The following AKAP9 variants were observed in gnomAD, a reference collection of about 807,000 sequenced individuals.
AKAP9 encodes the protein A-kinase anchor protein 9.
Under a neutral mutation model 488.5 loss-of-function variants are expected in AKAP9, and 311 were observed. The ratio of observed to expected loss-of-function variants is 0.64; its 90% CI spans 0.58 to 0.70. The LOEUF is 0.70. AKAP9 is among the 30% of genes least tolerant of loss of function. AKAP9 has a pLI of 0.00. For synonymous variants in AKAP9, 1,462 were observed against 1,483.5 expected (o/e 0.99, Z 0.33); for missense variants, 4,215 against 4,374.5 (o/e 0.96, Z 1.03).
chr7:91,981,371 AAAATAT>A (rs1364485150), intron 3 of AKAP9, among the ~76,000 whole-genome samples: 1 of 152,126 alleles, frequency 6.6e-6, no homozygotes, highest in Admixed American at 6.6e-5. Context: ...ATAACATTTA[AAAATAT>A]AGTATAACAA....
rs752578751 is a variant in AKAP9 at position 92,061,260 on chromosome 7, C to T, written c.5602C>T (p.Leu1868Phe). The change falls in exon 23 of 50, where the codon CTT becomes TTT. Residue 1868 changes from leucine (L) to phenylalanine (F), a missense_variant and splice_region_variant. This residue lies in a region of AKAP9 where 2,361 missense variants were observed against 2,430.0 expected (regional missense o/e 0.97). Coordinates refer to ENST00000356239, the MANE Select transcript of AKAP9 (RefSeq NM_005751.5). Reference sequence around the variant, plus strand: ...ATGTATTGTTTCCCTCTTTGTTTAGCTTGAACATGCGAAAGTGACACAGAC... The same window carrying T: ...ATGTATTGTTTCCCTCTTTGTTTAGTTTGAACATGCGAAAGTGACACAGAC... ...LEAISETSSQ[L>F]EHAKVTQTEL... 47 of 1,611,504 alleles carry T rather than the reference C, an allele frequency of 2.9e-5. No homozygotes were observed. In the South Asian group the frequency reaches 4.9e-4, roughly 17 times the overall value.
chr7:91,956,998 T>C (rs552444623), intron 1 of AKAP9, among the ~76,000 whole-genome samples: 1 of 152,326 alleles, frequency 6.6e-6, no homozygotes, highest in South Asian at 2.1e-4. Context: ...TGCTTTAGTA[T>C]TTAAAGGGTA....
intron 38 of AKAP9, among the ~76,000 whole-genome samples, chr7:92,091,602 A>AC (rs1186609581): frequency 3.3e-5 from 5 of 150,530 alleles, no homozygotes; most frequent in Non-Finnish European, 5.9e-5. Context: ...AAAAAACAAA[A>AC]AAAAAAAACA....
intron 14 of AKAP9, among the ~76,000 whole-genome samples, chr7:92,028,163 G>A (rs1405429229): frequency 4.3e-4 from 65 of 151,824 alleles, no homozygotes; most frequent in Admixed American, 2.7e-3. Flanking sequence ...GCGGAAGGCC[G>A]CAGGGTCCTC....
At chr7:92,060,221 A>G (rs1170182903) in intron 22 of AKAP9, among the ~76,000 whole-genome samples, 7 of 152,182 alleles carry the variant, frequency 4.6e-5, no homozygotes, top group African/African-American at 1.7e-4. Context: ...TGTGACTATA[A>G]ATTAGAAACC....
chr7:91,991,656 A>G (rs1013570244), intron 3 of AKAP9, among the ~76,000 whole-genome samples: 4 of 152,154 alleles, frequency 2.6e-5, no homozygotes, highest in Non-Finnish European at 5.9e-5. Flanking sequence ...TATTTTTAGT[A>G]GAGACGGGGT....
chr7:92,022,172 A>T, intron 12 of AKAP9, 66 bp from the exon 13 acceptor site: 1 of 1,281,178 alleles, frequency 7.8e-7, no homozygotes, highest in Non-Finnish European at 1.1e-6. Context: ...GAGTTGCTTT[A>T]ATACAGCTTT....
chr7:91,951,649 A>G (rs1191711017), intron 1 of AKAP9, among the ~76,000 whole-genome samples: 3 of 152,140 alleles, frequency 2.0e-5, no homozygotes, highest in African/African-American at 7.2e-5. Flanking sequence ...TGTCTCATGT[A>G]TCATCATATT....
At chr7:92,006,453 A>G (rs1443511051) in intron 8 of AKAP9, among the ~76,000 whole-genome samples, 1 of 152,068 alleles carries the variant, frequency 6.6e-6, no homozygotes, top group African/African-American at 2.4e-5. Context: ...CACCAGCCAG[A>G]ATTCTATTTT....
intron 22 of AKAP9, chr7:92,058,522 T>C (rs1374999705): frequency 5.9e-6 from 2 of 337,154 alleles, no homozygotes; most frequent in Non-Finnish European, 1.2e-5. Context: ...GCGTTACTAC[T>C]CATTCATTCT....
At chr7:92,055,622 C>T (rs993277744) in intron 22 of AKAP9, among the ~76,000 whole-genome samples, 2 of 151,986 alleles carry the variant, frequency 1.3e-5, no homozygotes, top group Non-Finnish European at 2.9e-5. Context: ...TATCTGAAAC[C>T]TGGCGATAAT....
At chr7:91,984,738 C>G (rs1242529828) in intron 3 of AKAP9, among the ~76,000 whole-genome samples, 1 of 152,036 alleles carries the variant, frequency 6.6e-6, no homozygotes, top group Non-Finnish European at 1.5e-5. Context: ...GCCATTTTCA[C>G]AATATTGATT....
At chr7:91,979,238 C>T (rs1249719880) in intron 2 of AKAP9, among the ~76,000 whole-genome samples, 5 of 152,098 alleles carry the variant, frequency 3.3e-5, no homozygotes, top group Non-Finnish European at 1.5e-5. Context: ...TTAATGGACT[C>T]ACAGTTCCAC....
intron 1 of AKAP9, among the ~76,000 whole-genome samples, chr7:91,961,008 T>C (rs1793663719): frequency 6.6e-6 from 1 of 152,220 alleles, no homozygotes; most frequent in Non-Finnish European, 1.5e-5. Flanking sequence ...TGAGAGACTG[T>C]TATTAAATAA....
chr7:92,102,160 AT>A (rs750364270), intron 45 of AKAP9, among the ~76,000 whole-genome samples: 3 of 137,010 alleles, frequency 2.2e-5, no homozygotes, highest in Non-Finnish European at 4.6e-5. Context: ...CGTCTCATAA[AT>A]TTAAAAAAAA....
chr7:92,050,558 G>A (rs929714032), intron 21 of AKAP9, among the ~76,000 whole-genome samples: 5 of 152,048 alleles, frequency 3.3e-5, no homozygotes, highest in African/African-American at 9.7e-5. Context: ...TCTTGAAGCC[G>A]TCTCTTTTTG....
rs1322598071 is a variant in AKAP9, at chr7:92,097,115, G to C, written c.10156G>C (p.Val3386Leu). 2 of 1,614,102 alleles carry C rather than the reference G, an allele frequency of 1.2e-6. No individual in the cohort carries two copies. The highest frequency in any genetic ancestry group is 2.7e-5 in the African/African-American group (2 of 74,944). The change falls in exon 41 of 50, where the codon GTT becomes CTT. Residue 3386 changes from valine (V) to leucine (L), a missense_variant. Transcript: ENST00000356239. ...ACAGCAAATGGAAAAAGATAGGCAG[G>C]TTCACAGGAAAACACTGCAGACAGA... ...TRQQMEKDRQVHRKTLQTEQE... is the reference protein window; with the variant it reads ...TRQQMEKDRQLHRKTLQTEQE...
At chr7:91,962,707 G>T (rs923381407) in intron 1 of AKAP9, among the ~76,000 whole-genome samples, 1 of 152,026 alleles carries the variant, frequency 6.6e-6, no homozygotes, top group Non-Finnish European at 1.5e-5. Flanking sequence ...GTAATTTAAT[G>T]TCCTTAAAAG....
chr7:92,102,486 A>G, intron 45 of AKAP9, 108 bp from the exon 46 acceptor site: 1 of 724,508 alleles, frequency 1.4e-6, no homozygotes, highest in Non-Finnish European at 2.4e-6. Context: ...TACTACTACT[A>G]CTACCACCAC....
Sources: allele counts gnomAD v4.1 joint callset (sites outside exome capture counted in the v4.1 genomes callset), GRCh38; gene constraint gnomAD v4.1.1; regional missense constraint gnomAD v4.1.1; transcripts MANE v1.5; gene names NCBI Gene and HGNC (gene_info 2026-07-23, HGNC 2026-07-21).